The following SPAST variants were observed in gnomAD, a reference collection of about 807,000 sequenced individuals.
SPAST encodes spastin, also known as spastic paraplegia 4 (autosomal dominant; spastin).
SPAST carries 30 observed loss-of-function variants against 76.6 expected under a neutral mutation model. The ratio of observed to expected loss-of-function variants is 0.39; its 90% confidence interval spans 0.29 to 0.53. The LOEUF is 0.53. SPAST is among the 20% of genes least tolerant of loss of function. The pLI is 0.68. For synonymous variants in SPAST, 305 were observed against 281.0 expected (o/e 1.09, Z -0.86); for missense variants, 717 against 770.5 (o/e 0.93, Z 0.82).
chr2:32,083,217 A>G (rs1001385413), intron 1 of SPAST, among the ~76,000 whole-genome samples: 1 of 152,054 alleles, frequency 6.6e-6, no homozygotes. Flanking sequence ...TGGTCTCCCA[A>G]AATGCTGGGA....
chr2:32,108,857 C>T (rs1014204770), intron 4 of SPAST, among the ~76,000 whole-genome samples: 13 of 148,826 alleles, frequency 8.7e-5, no homozygotes, highest in African/African-American at 3.2e-4. Context: ...CCTCTGCCTC[C>T]CGGGTTCAAC....
At chr2:32,087,414 A>C (rs1677526145) in intron 1 of SPAST, 78 bp from the exon 2 acceptor site, 4 of 832,866 alleles carry the variant, frequency 4.8e-6, no homozygotes, top group Non-Finnish European at 8.0e-6. Flanking sequence ...TTTTTTATGT[A>C]TTACCTCTCA....
Position 32,098,829 on chromosome 2 carries a change from C to A in SPAST, c.620C>A (p.Ser207Ter). ...CAACCAGTTTTGCCATTTTCCAAGT[C>A]ACAAACGGACGTCTATAATGACAGT... ...KMQPVLPFSK[S>*]QTDVYNDSTN... The change falls in exon 4 of 17, where the codon TCA becomes TAA. Residue 207 changes from serine to a stop codon, truncating the protein, a stop_gained. Coordinates refer to ENST00000315285, the MANE Select transcript of SPAST (RefSeq NM_014946.4). LOFTEE classifies it high-confidence loss of function. 1 of 1,613,732 alleles carries A rather than the reference C, an allele frequency of 6.2e-7. No homozygotes were observed. The highest frequency in any genetic ancestry group is 1.1e-5 in the South Asian group (1 of 91,062).
chr2:32,073,206 T>A (rs936120345), intron 1 of SPAST, among the ~76,000 whole-genome samples: 1 of 152,208 alleles, frequency 6.6e-6, no homozygotes, highest in Non-Finnish European at 1.5e-5. Flanking sequence ...AATCATTTTA[T>A]TTTTTTAGTA....
chr2:32,123,254 TC>T (rs1319011466), intron 7 of SPAST, among the ~76,000 whole-genome samples: 2 of 133,188 alleles, frequency 1.5e-5, no homozygotes. Context: ...AGAGCAAGAC[TC>T]CGTCTCAAAA....
At chr2:32,077,973 T>G (rs10210511) in intron 1 of SPAST, 20,293 of 151,508 alleles carry the variant, frequency 0.13, 1,484 homozygotes, top group Middle Eastern at 0.17. Flanking sequence ...TGTTTTTTTT[T>G]TTTGTTTGTT....
intron 12 of SPAST, among the ~76,000 whole-genome samples, chr2:32,139,613 A>T (rs1206045099): frequency 6.6e-6 from 1 of 152,132 alleles, no homozygotes; most frequent in Non-Finnish European, 1.5e-5. Context: ...GGATCACCTG[A>T]GGTCAGGAGT....
intron 7 of SPAST, among the ~76,000 whole-genome samples, chr2:32,117,881 A>T (rs779774229): frequency 1.3e-5 from 2 of 152,184 alleles, no homozygotes. Flanking sequence ...AAGTCATCAA[A>T]GTAGATAGAG....
At chr2:32,078,736 TCTTAA>T (rs1677075923) in intron 1 of SPAST, among the ~76,000 whole-genome samples, 2 of 152,214 alleles carry the variant, frequency 1.3e-5, no homozygotes, top group Admixed American at 1.3e-4. Flanking sequence ...CTAATAAGTT[TCTTAA>T]CTTTTTGTAC....
At chr2:32,129,489 C>T (rs3752916) in intron 9 of SPAST, 55,635 of 151,828 alleles carry the variant, frequency 0.37, 10,559 homozygotes, top group East Asian at 0.64. Flanking sequence ...AGTGTTCAGT[C>T]TAGTTTTGGG....
At chr2:32,141,200 A>G (rs1679709300) in intron 12 of SPAST, among the ~76,000 whole-genome samples, 1 of 152,274 alleles carries the variant, frequency 6.6e-6, no homozygotes, top group Non-Finnish European at 1.5e-5. Context: ...CTTCTACTAA[A>G]AAATATTGGT....
At chr2:32,142,904 C>G (rs1679767292) in intron 13 of SPAST, among the ~76,000 whole-genome samples, 1 of 152,022 alleles carries the variant, frequency 6.6e-6, no homozygotes, top group Admixed American at 6.6e-5. Context: ...GAATTCATAC[C>G]TCTATAAAAC....
At chr2:32,145,426 C>G (rs1679854558) in intron 15 of SPAST, among the ~76,000 whole-genome samples, 1 of 152,124 alleles carries the variant, frequency 6.6e-6, no homozygotes, top group Admixed American at 6.6e-5. Flanking sequence ...ACAGATCATA[C>G]AAAAACAGTC....
chr2:32,140,706 C>T (rs570647628), intron 12 of SPAST, among the ~76,000 whole-genome samples: 3 of 151,624 alleles, frequency 2.0e-5, no homozygotes, highest in Admixed American at 1.3e-4. Flanking sequence ...CACTTGAGGC[C>T]GGGAATTCCA....
chr2:32,136,494 A>C, intron 9 of SPAST, 69 bp from the exon 10 acceptor site: 1 of 1,170,656 alleles, frequency 8.5e-7, no homozygotes, highest in Non-Finnish European at 1.3e-6. Flanking sequence ...CTAGATTTTC[A>C]ACATAAAATT....
chr2:32,099,010 A>G (rs1004756074), intron 4 of SPAST, 119 bp downstream of exon 4: 12 of 742,530 alleles, frequency 1.6e-5, no homozygotes, highest in African/African-American at 1.0e-4. Context: ...ATGTTTTCAC[A>G]GGGCTGTGTT....
chr2:32,151,951 G>A (rs906917319), intron 16 of SPAST, among the ~76,000 whole-genome samples: 1 of 151,538 alleles, frequency 6.6e-6, no homozygotes, highest in Non-Finnish European at 1.5e-5. Context: ...ATCTTTTACA[G>A]TTTATAATAG....
At chr2:32,073,247 G>GGGGTCTC (rs1676822603) in intron 1 of SPAST, among the ~76,000 whole-genome samples, 1 of 152,138 alleles carries the variant, frequency 6.6e-6, no homozygotes, top group Non-Finnish European at 1.5e-5. Flanking sequence ...TGGCCAGGTT[G>GGGGTCTC]GTCTCGAACT....
At chr2:32,120,875 C>T (rs1487254334) in intron 7 of SPAST, among the ~76,000 whole-genome samples, 1 of 152,080 alleles carries the variant, frequency 6.6e-6, no homozygotes, top group Non-Finnish European at 1.5e-5. Flanking sequence ...CTTTATTCTG[C>T]TGTCTTCTCA....
Sources: gnomAD v4.1 joint callset for allele counts (sites outside exome capture counted in the v4.1 genomes callset) on GRCh38, gnomAD v4.1.1 for gene constraint, MANE v1.5 for transcripts, NCBI Gene and HGNC (gene_info 2026-07-23, HGNC 2026-07-21) for gene names.